The following MYO1D variants were observed in gnomAD, a reference collection of about 807,000 sequenced individuals.
MYO1D encodes the protein unconventional myosin-Id.
In MYO1D, 83 loss-of-function variants were observed where a neutral mutation model predicts 122.0. The observed-to-expected ratio is 0.68, with a 90% confidence interval of 0.57 to 0.82. MYO1D has a LOEUF of 0.82. MYO1D is among the 40% of genes least tolerant of loss of function. The pLI is 0.00. For missense variants in MYO1D, 1,157 were observed against 1,269.5 expected, an observed-to-expected ratio of 0.91 and a Z score of 1.35; for synonymous variants, 464 against 446.9, an observed-to-expected ratio of 1.04 and a Z score of -0.48.
chr17:32,726,156 C>T (rs147905489), intron 14 of MYO1D, among the ~76,000 whole-genome samples: 126 of 152,246 alleles, frequency 8.3e-4, no homozygotes, highest in African/African-American at 2.6e-3. Context: ...CAGTGGCTCA[C>T]GCCTGTAATC....
chr17:32,640,962 T>C (rs2088190865), intron 19 of MYO1D, among the ~76,000 whole-genome samples: 1 of 152,040 alleles, frequency 6.6e-6, no homozygotes, highest in Non-Finnish European at 1.5e-5. Flanking sequence ...ATACTTTAAG[T>C]TCTAGGGTAC....
intron 16 of MYO1D, among the ~76,000 whole-genome samples, chr17:32,688,543 T>C (rs1471729478): frequency 6.6e-6 from 1 of 152,130 alleles, no homozygotes; most frequent in African/African-American, 2.4e-5. Flanking sequence ...GGAGGCAGAA[T>C]CGAACTTGAA....
At chr17:32,573,901 G>T (rs556761890) in intron 21 of MYO1D, among the ~76,000 whole-genome samples, 1 of 152,056 alleles carries the variant, frequency 6.6e-6, no homozygotes, top group Non-Finnish European at 1.5e-5. Context: ...ACCCAGGCTG[G>T]AGTGCAGTGG....
intron 21 of MYO1D, among the ~76,000 whole-genome samples, chr17:32,585,914 CT>C (rs1430962274): frequency 6.0e-5 from 9 of 151,106 alleles, no homozygotes; most frequent in Non-Finnish European, 1.2e-4. Flanking sequence ...GTGCAAAAAA[CT>C]TTTTTTTTGA....
chr17:32,626,352 G>A (rs774434927), intron 20 of MYO1D, among the ~76,000 whole-genome samples: 3 of 152,202 alleles, frequency 2.0e-5, no homozygotes, highest in Non-Finnish European at 4.4e-5. Context: ...GTATGGCTTT[G>A]TTTTAAAGCC....
At chr17:32,728,331 G>A (rs917288045) in intron 14 of MYO1D, among the ~76,000 whole-genome samples, 2 of 151,468 alleles carry the variant, frequency 1.3e-5, no homozygotes, top group Admixed American at 6.6e-5. Flanking sequence ...TCAGCCTCCC[G>A]AACAGCTGGG....
At chr17:32,656,130 C>T (rs1311472035) in intron 17 of MYO1D, among the ~76,000 whole-genome samples, 1 of 152,148 alleles carries the variant, frequency 6.6e-6, no homozygotes, top group Non-Finnish European at 1.5e-5. Flanking sequence ...CTCTCTTCTG[C>T]CACAGGAGCT....
rs772469258 is a variant in MYO1D at position 32,738,398 on chromosome 17, G to A, written c.1614-13C>T. 5 of 1,549,356 alleles carry A rather than the reference G, an allele frequency of 3.2e-6. No homozygotes were observed. The highest frequency in any genetic ancestry group is 1.3e-5 in the South Asian group (1 of 78,618). On this transcript the variant is annotated splice_polypyrimidine_tract_variant and intron_variant, in intron 13 of 21. Coordinates refer to ENST00000318217, the MANE Select transcript of MYO1D (RefSeq NM_015194.3). ...CACAGGATTTGAACTGAGAAGCACA[G>A]AAAAAACAATTCAAATGTCACATTC...
chr17:32,594,504 TG>T, intron 21 of MYO1D: 1 of 577,914 alleles, frequency 1.7e-6, no homozygotes, highest in East Asian at 2.9e-5. Context: ...CATGTAATCT[TG>T]GGCCTGTTTA....
intron 6 of MYO1D, among the ~76,000 whole-genome samples, chr17:32,770,546 T>C (rs1233507393): frequency 6.6e-6 from 1 of 151,972 alleles, no homozygotes; most frequent in Non-Finnish European, 1.5e-5. Context: ...CTAGATGAAC[T>C]AGAAATAAAA....
At chr17:32,662,473 C>A (rs142913553) in intron 16 of MYO1D, among the ~76,000 whole-genome samples, 7 of 152,140 alleles carry the variant, frequency 4.6e-5, no homozygotes, top group Admixed American at 3.9e-4. Flanking sequence ...GAGTTCCAGA[C>A]CAGCTTGGCC....
chr17:32,864,087 A>G (rs1258332384), intron 1 of MYO1D, among the ~76,000 whole-genome samples: 8 of 135,264 alleles, frequency 5.9e-5, no homozygotes, highest in African/African-American at 2.0e-4. Flanking sequence ...AAAATCATCT[A>G]AAACAGTTGT....
intron 20 of MYO1D, among the ~76,000 whole-genome samples, chr17:32,635,062 G>A (rs926073771): frequency 2.6e-5 from 4 of 152,164 alleles, no homozygotes; most frequent in Admixed American, 6.5e-5. Context: ...CAAAAGTACC[G>A]ATCTGGATCA....
At chr17:32,863,926 A>C (rs1197013082) in intron 1 of MYO1D, among the ~76,000 whole-genome samples, 1 of 150,186 alleles carries the variant, frequency 6.7e-6, no homozygotes, top group Non-Finnish European at 1.5e-5. Context: ...TTGAACTTTG[A>C]ATAACTGAAA....
intron 14 of MYO1D, 84 bp from the exon 15 acceptor site, chr17:32,721,273 G>T: frequency 7.6e-7 from 1 of 1,311,458 alleles, no homozygotes; most frequent in Non-Finnish European, 1.1e-6. Flanking sequence ...AGTGTTAATT[G>T]TGTCAAGTTA....
chr17:32,633,409 A>G (rs2088049993), intron 20 of MYO1D, among the ~76,000 whole-genome samples: 1 of 152,186 alleles, frequency 6.6e-6, no homozygotes, highest in African/African-American at 2.4e-5. Flanking sequence ...CTAGTGTTTC[A>G]CACATCCCTC....
chr17:32,730,239 G>A (rs185907255), intron 14 of MYO1D, among the ~76,000 whole-genome samples: 1 of 151,210 alleles, frequency 6.6e-6, no homozygotes, highest in Admixed American at 6.6e-5. Context: ...AGAGTTGAAC[G>A]TTAAACAATA....
chr17:32,716,722 G>A (rs1487036825), intron 15 of MYO1D, among the ~76,000 whole-genome samples: 2 of 152,160 alleles, frequency 1.3e-5, no homozygotes, highest in Non-Finnish European at 2.9e-5. Flanking sequence ...TTTCAGGCAC[G>A]CTTCAGAAAC....
chr17:32,577,635 C>CAA (rs146464126), intron 21 of MYO1D, among the ~76,000 whole-genome samples: 2 of 139,250 alleles, frequency 1.4e-5, no homozygotes, highest in Non-Finnish European at 3.2e-5. Context: ...AGTCTAGTCA[C>CAA]AAAAAAAAAA....
Sources: gnomAD v4.1 joint callset for allele counts (sites outside exome capture counted in the v4.1 genomes callset) on GRCh38, gnomAD v4.1.1 for gene constraint, MANE v1.5 for transcripts, NCBI Gene and HGNC (gene_info 2026-07-23, HGNC 2026-07-21) for gene names.